The following GPBP1 variants were observed in gnomAD, a reference collection of about 807,000 sequenced individuals.
GPBP1 encodes GC-rich promoter binding protein 1.
GPBP1 carries 13 observed loss-of-function variants against 56.5 expected under a neutral mutation model. The observed-to-expected ratio is 0.23, with a 90% confidence interval of 0.15 to 0.37. The LOEUF (loss-of-function observed/expected upper bound fraction) is 0.37, where lower values mean the gene tolerates loss of function less well. Ranked by LOEUF, GPBP1 falls within the 10% of genes least tolerant of loss-of-function variation. The pLI is 1.00. For missense variants in GPBP1, 477 were observed against 572.3 expected, an observed-to-expected ratio of 0.83 and a Z score of 1.70; for synonymous variants, 204 against 188.9, an observed-to-expected ratio of 1.08 and a Z score of -0.66.
At chr5:57,230,497 A>G (rs1367322929) in intron 3 of GPBP1, among the ~76,000 whole-genome samples, 1 of 152,230 alleles carries the variant, frequency 6.6e-6, no homozygotes, top group African/African-American at 2.4e-5. Flanking sequence ...AAGGAAACTG[A>G]GCTGTAGTGA....
intron 6 of GPBP1, among the ~76,000 whole-genome samples, chr5:57,239,528 C>T (rs1740721083): frequency 6.6e-6 from 1 of 152,180 alleles, no homozygotes; most frequent in Non-Finnish European, 1.5e-5. Flanking sequence ...TGCCTGTAAT[C>T]CCAGCACTCT....
In GPBP1 at chr5:57,246,387, C is replaced by A. The variant is rs1426368612; in HGVS notation, c.566C>A (p.Pro189Gln). 6.2e-7 allele frequency: 1 copy of A among 1,613,654 alleles called. No homozygotes were observed. Among genetic ancestry groups the A allele is most frequent in the Non-Finnish European group, 8.5e-7 (1 of 1,179,660 alleles). Residue 189 changes from proline to glutamine, a missense_variant, in exon 7 of 12, where the codon CCA becomes CAA. By Grantham distance (76) the Pro-to-Gln change is moderately conservative. Transcript: ENST00000506184. ...AAAGACTTACAGCTATCTGGATTCC[C>A]AGTAGTAGGAAATCTTCCGTCACAG... ...NTKDLQLSGF[P>Q]VVGNLPSQPV...
Position 57,214,076 on chromosome 5 carries a change from A to C in GPBP1, c.-55A>C. The C allele has an allele frequency of 7.0e-7, 1 of 1,419,942 alleles. No homozygotes were observed. Among genetic ancestry groups the C allele is most frequent in the Non-Finnish European group, 1.0e-6 (1 of 1,004,240 alleles). 88.0% of individuals were successfully genotyped at this position (1,419,942 alleles called of 1,614,324 possible). On this transcript the variant is annotated splice_region_variant and 5_prime_UTR_variant, in exon 3 of 12. Coordinates refer to ENST00000506184, the MANE Select transcript of GPBP1 (RefSeq NM_022913.4). ...TTCCTTCCATTTTTATGTGACAGGG[A>C]CTTGCCATGAGGTGTTGAAGCCTTG...
At chr5:57,192,024 A>G (rs573588031) in intron 2 of GPBP1, among the ~76,000 whole-genome samples, 20 of 152,326 alleles carry the variant, frequency 1.3e-4, no homozygotes, top group South Asian at 1.2e-3. Context: ...TACAAAGTTT[A>G]TCTGTGTGAT....
At chr5:57,224,639 A>G (rs956657535) in intron 3 of GPBP1, among the ~76,000 whole-genome samples, 2 of 151,910 alleles carry the variant, frequency 1.3e-5, no homozygotes, top group Non-Finnish European at 1.5e-5. Context: ...GGGTCTTGCT[A>G]TGTTGCCAAG....
chr5:57,243,861 T>A (rs571450388), intron 6 of GPBP1, among the ~76,000 whole-genome samples: 92 of 150,922 alleles, frequency 6.1e-4, no homozygotes, highest in Non-Finnish European at 8.1e-4. Context: ...ATTGAAAAAA[T>A]TTTTTTTTGT....
chr5:57,195,980 CAAAAAA>C (rs1181097227), intron 2 of GPBP1, among the ~76,000 whole-genome samples: 1 of 29,746 alleles, frequency 3.4e-5, no homozygotes, highest in Non-Finnish European at 5.4e-5. Flanking sequence ...AACTCCATCT[CAAAAAA>C]AAAAAAAAAA....
At chr5:57,192,651 G>A (rs1172538740) in intron 2 of GPBP1, among the ~76,000 whole-genome samples, 2 of 151,582 alleles carry the variant, frequency 1.3e-5, no homozygotes, top group Non-Finnish European at 2.9e-5. Flanking sequence ...TACTCAGGAG[G>A]CTGAGGCAGG....
intron 3 of GPBP1, among the ~76,000 whole-genome samples, chr5:57,215,991 G>A (rs1006356330): frequency 6.6e-6 from 1 of 152,122 alleles, no homozygotes; most frequent in Non-Finnish European, 1.5e-5. Context: ...AAATCTTTGA[G>A]TCATTACTCC....
intron 9 of GPBP1, 86 bp downstream of exon 9, chr5:57,249,662 G>T: frequency 9.3e-7 from 1 of 1,074,916 alleles, no homozygotes; most frequent in Non-Finnish European, 1.3e-6. Flanking sequence ...GAATACATTT[G>T]AATCATTTCC....
chr5:57,252,313 G>A (rs184434740), intron 10 of GPBP1, among the ~76,000 whole-genome samples: 5 of 152,024 alleles, frequency 3.3e-5, no homozygotes, highest in African/African-American at 9.6e-5. Context: ...TTCCTTGTAT[G>A]GTTTATGCAG....
At chr5:57,244,815 C>T (rs1741011428) in intron 6 of GPBP1, among the ~76,000 whole-genome samples, 1 of 138,120 alleles carries the variant, frequency 7.2e-6, no homozygotes, top group Non-Finnish European at 1.5e-5. Flanking sequence ...CTTACTGCAA[C>T]TTCTGCCTCC....
At chr5:57,255,817 A>G (rs1221134218) in intron 10 of GPBP1, among the ~76,000 whole-genome samples, 5 of 152,240 alleles carry the variant, frequency 3.3e-5, no homozygotes, top group Admixed American at 3.3e-4. Flanking sequence ...TGTTTAGTGC[A>G]GGAAGCATTT....
At chr5:57,183,975 A>G (rs763941696) in intron 2 of GPBP1, among the ~76,000 whole-genome samples, 1 of 152,008 alleles carries the variant, frequency 6.6e-6, no homozygotes, top group Admixed American at 6.6e-5. Context: ...GGCTTCTGCC[A>G]TGTCTCAGAA....
chr5:57,241,637 A>T (rs1440875596), intron 6 of GPBP1, among the ~76,000 whole-genome samples: 2 of 152,230 alleles, frequency 1.3e-5, no homozygotes, highest in Non-Finnish European at 2.9e-5. Context: ...ATGTTAAGAA[A>T]ATCCAAAGGT....
At chr5:57,216,469 C>G (rs1357168779) in intron 3 of GPBP1, among the ~76,000 whole-genome samples, 1 of 152,250 alleles carries the variant, frequency 6.6e-6, no homozygotes, top group East Asian at 1.9e-4. Context: ...CACCTGTAAT[C>G]CCAGCACTTT....
chr5:57,259,213 ATTCTAT>A (rs775222932), intron 10 of GPBP1, among the ~76,000 whole-genome samples: 4 of 152,234 alleles, frequency 2.6e-5, no homozygotes, highest in Non-Finnish European at 4.4e-5. Context: ...GAAAACCAAA[ATTCTAT>A]TTGTCTTTGC....
At chr5:57,248,496 C>G (rs1174630885) in intron 8 of GPBP1, among the ~76,000 whole-genome samples, 1 of 143,746 alleles carries the variant, frequency 7.0e-6, no homozygotes, top group African/African-American at 2.6e-5. Context: ...GGCGGGATCT[C>G]GGCTCACTGC....
intron 2 of GPBP1, among the ~76,000 whole-genome samples, chr5:57,183,398 A>G: frequency 6.6e-6 from 1 of 152,146 alleles, no homozygotes; most frequent in East Asian, 1.9e-4. Context: ...ATACATACAA[A>G]CATATGTACA....
Sources: gnomAD v4.1 joint callset for allele counts (sites outside exome capture counted in the v4.1 genomes callset) on GRCh38, gnomAD v4.1.1 for gene constraint, MANE v1.5 for transcripts, NCBI Gene and HGNC (gene_info 2026-07-23, HGNC 2026-07-21) for gene names.